GPR89B: variants seen among roughly 807,000 people sequenced by gnomAD.
The protein encoded by GPR89B is G protein-coupled receptor 89B.
Under a neutral mutation model 52.4 loss-of-function variants are expected in GPR89B, and 25 were observed. The observed-to-expected ratio is 0.48, with a 90% CI of 0.35 to 0.67. GPR89B has a LOEUF of 0.67. Among genes scored for constraint, GPR89B ranks in the 30% least tolerant of loss-of-function variants. GPR89B has a pLI of 0.01. For synonymous variants in GPR89B, 52 were observed against 151.2 expected, an observed-to-expected ratio of 0.34 and a Z score of 4.81; for missense variants, 146 against 450.2, an observed-to-expected ratio of 0.32 and a Z score of 6.11.
chr1:147,970,533 CT>C (rs1657371607), intron 10 of GPR89B, among the ~76,000 whole-genome samples: 1 of 127,726 alleles, frequency 7.8e-6, no homozygotes, highest in Non-Finnish European at 1.7e-5. Context: ...CTCTCTCTCT[CT>C]ATCTCTATCT....
chr1:148,004,460 C>T, the GPR89B span, among the ~76,000 whole-genome samples: 15 of 145,202 alleles, frequency 1.0e-4, no homozygotes, highest in Non-Finnish European at 1.7e-4. Flanking sequence ...CCACCGCGCC[C>T]GGCCCCTATC....
chr1:147,976,155 A>G lies in GPR89B; in HGVS notation c.909+6196A>G, dbSNP rs1395200807. Among the ~76,000 whole-genome samples the G allele has an allele frequency of 4.6e-5, 7 of 152,254 alleles. No individual in the cohort carries two copies. The East Asian group carries it at 1.3e-3, about 29-fold the overall frequency. On this transcript the variant is annotated intron_variant, in intron 10 of 13. Transcript: ENST00000314163. ...TGTTTTTGGGTAGAGAGTTCTGTAG[A>G]TATCTATCAGGTCCACTTGATCCAG...
chr1:147,976,994 G>T (rs1351156500), intron 10 of GPR89B, among the ~76,000 whole-genome samples: 1 of 151,670 alleles, frequency 6.6e-6, no homozygotes, highest in East Asian at 1.9e-4. Context: ...CAGCACTTTG[G>T]GAGGCCGAGG....
At chr1:147,963,574 A>G (rs1323621755) in intron 7 of GPR89B, among the ~76,000 whole-genome samples, 9 of 152,158 alleles carry the variant, frequency 5.9e-5, no homozygotes, top group Non-Finnish European at 1.3e-4. Flanking sequence ...CAAATGGCAC[A>G]TAACCACATG....
chr1:147,952,096 G>A (rs1489109508), intron 5 of GPR89B, among the ~76,000 whole-genome samples: 1 of 152,076 alleles, frequency 6.6e-6, no homozygotes, highest in Non-Finnish European at 1.5e-5. Flanking sequence ...AAGGACAAAG[G>A]TAGGAAAAAT....
intron 10 of GPR89B, among the ~76,000 whole-genome samples, chr1:147,971,874 A>G (rs1470165249): frequency 2.6e-5 from 4 of 151,592 alleles, no homozygotes; most frequent in Admixed American, 2.6e-4. Context: ...ACATACATAT[A>G]TACCTATGCA....
the GPR89B span, among the ~76,000 whole-genome samples, chr1:148,023,012 G>A: frequency 4.1e-4 from 63 of 151,870 alleles, 1 homozygote; most frequent in Non-Finnish European, 6.9e-4. Context: ...TACAAGTGTA[G>A]CATTGTTACA....
In GPR89B at chr1:147,949,920, G is replaced by A. The variant is rs1345638159; in HGVS notation, c.416-3425G>A. Among the ~76,000 whole-genome samples the A allele has an allele frequency of 3.1e-3, 410 of 130,430 alleles. 18 individuals are homozygous for A. Among genetic ancestry groups the A allele is most frequent in the African/African-American group, 0.013 (389 of 30,346 alleles). The allele number at this position is 130,430 out of a possible 152,430, so 85.6% of individuals were successfully genotyped here. On this transcript the variant is annotated intron_variant, in intron 5 of 13. Transcript: ENST00000314163. The stretch of plus-strand genomic sequence containing the variant: ...CCCGGACGGGGCGGCTGGCCGGGCG[G>A]GGGGCTGACCCCCCCACCTCCCTCC...
At chr1:147,958,214 T>C (rs1313887158) in intron 7 of GPR89B, among the ~76,000 whole-genome samples, 2 of 152,282 alleles carry the variant, frequency 1.3e-5, no homozygotes, top group East Asian at 3.9e-4. Flanking sequence ...CATTTATTGT[T>C]TATTTTACAT....
rs587663235 is a variant in GPR89B, at chr1:147,950,194, G to A, written c.416-3151G>A. Among the ~76,000 whole-genome samples the A allele has an allele frequency of 3.0e-4, 45 of 149,718 alleles. No homozygotes were observed. The East Asian group carries it at 6.5e-3, about 22-fold the overall frequency. ...TTCTCATATGGGGCGGTTGCCAGGCGGAGGGTCTCCTCACTTCTCAGACGG... is the reference window on the plus strand; with the variant it reads ...TTCTCATATGGGGCGGTTGCCAGGCAGAGGGTCTCCTCACTTCTCAGACGG... On this transcript the variant is annotated intron_variant, in intron 5 of 13. Transcript: ENST00000314163.
downstream of GPR89B, chr1:147,995,598 G>A (rs1277964626): frequency 2.7e-5 from 44 of 1,608,662 alleles, 1 homozygote; most frequent in Middle Eastern, 9.0e-4. Flanking sequence ...CCACTCACCC[G>A]TTCTTTTGCC....
chr1:147,963,875 A>G, intron 7 of GPR89B, among the ~76,000 whole-genome samples: 1 of 152,306 alleles, frequency 6.6e-6, no homozygotes, highest in Middle Eastern at 3.4e-3. Flanking sequence ...ATATTCACAC[A>G]AAAAACTGTA....
chr1:148,005,540 G>C, the GPR89B span: 2 of 1,568,122 alleles, frequency 1.3e-6, no homozygotes, highest in Non-Finnish European at 1.7e-6. Context: ...ACTCCATGTG[G>C]AGACACAAGT....
intron 5 of GPR89B, among the ~76,000 whole-genome samples, chr1:147,952,070 G>A (rs1655756018): frequency 6.6e-6 from 1 of 152,072 alleles, no homozygotes; most frequent in South Asian, 2.1e-4. Context: ...TTATAATAAG[G>A]ACATTGGCAA....
rs1659143592 is a variant in GPR89B at position 147,992,517 on chromosome 1, T to A, written c.1111T>A (p.Ser371Thr). 4.3e-6 allele frequency: 7 copies of A among 1,611,636 alleles called. No individual in the cohort carries two copies. Among genetic ancestry groups the A allele is most frequent in the Non-Finnish European group, 5.9e-6 (7 of 1,179,592 alleles). ...TTCTTGACAGTTCTTTTATGCCATCTCTAGCAGTAAGTCCTCCAATGTCAT... is the reference window on the plus strand; with the variant it reads ...TTCTTGACAGTTCTTTTATGCCATCACTAGCAGTAAGTCCTCCAATGTCAT... Reference protein sequence around the residue: ...ITLTKFFYAISSSKSSNVIVL... With the variant: ...ITLTKFFYAITSSKSSNVIVL... The change falls in exon 13 of 14, where the codon TCT (serine) becomes ACT (threonine). Residue 371 changes from serine to threonine, a missense_variant. Transcript: ENST00000314163.
At chr1:147,977,386 T>A (rs1285543022) in intron 10 of GPR89B, among the ~76,000 whole-genome samples, 2 of 151,780 alleles carry the variant, frequency 1.3e-5, no homozygotes, top group African/African-American at 4.9e-5. Flanking sequence ...CCTTAACATT[T>A]TTTCCTTCAT....
rs1180396275 is a variant in GPR89B, at chr1:147,968,752, G to C, written c.728-123G>C. On this transcript the variant is annotated intron_variant, in intron 8 of 13. Coordinates refer to ENST00000314163, the MANE Select transcript of GPR89B (RefSeq NM_016334.5). ...AAGTAGTGTTGCTGGCTATGAAACA[G>C]GAAATTGAGAATATAGGCAACTCCG... The C allele has an allele frequency of 1.1e-5, 16 of 1,503,258 alleles. No homozygotes were observed. The Admixed American group carries it at 2.6e-4, about 24-fold the overall frequency. The allele number at this position is 1,503,258 out of a possible 1,614,324, so 93.1% of individuals were successfully genotyped here. A position where few individuals can be genotyped will look rare whatever the true frequency, so the allele number is the denominator to read the frequency against.
At chr1:147,999,016 C>T in the GPR89B span, among the ~76,000 whole-genome samples, 6 of 151,898 alleles carry the variant, frequency 4.0e-5, no homozygotes, top group Non-Finnish European at 2.9e-5. Context: ...TCCACCCCAA[C>T]CTACAGGTCT....
chr1:148,014,124 G>A, the GPR89B span, among the ~76,000 whole-genome samples: 1 of 151,194 alleles, frequency 6.6e-6, no homozygotes, highest in Non-Finnish European at 1.5e-5. Context: ...CCAACCTGCG[G>A]GGGCTGCGGC....
Sources: gnomAD v4.1 joint callset for allele counts (sites outside exome capture counted in the v4.1 genomes callset) on GRCh38, gnomAD v4.1.1 for gene constraint, MANE v1.5 for transcripts, NCBI Gene and HGNC (gene_info 2026-07-23, HGNC 2026-07-21) for gene names.